The following ETV1 variants were observed in gnomAD, a reference collection of about 807,000 sequenced individuals.
ETV1 encodes the protein ETS variant transcription factor 1.
ETV1 carries 27 observed loss-of-function variants against 62.3 expected under a neutral mutation model. The ratio of observed to expected loss-of-function variants is 0.43; its 90% CI spans 0.32 to 0.60. The LOEUF (loss-of-function observed/expected upper bound fraction) is 0.60. Among genes scored for constraint, ETV1 ranks in the 20% least tolerant of loss-of-function variants. The pLI is 0.06. For missense variants in ETV1, 605 were observed against 605.8 expected (o/e 1.00, Z 0.01); for synonymous variants, 222 against 199.6 (o/e 1.11, Z -0.94).
Position 13,931,579 on chromosome 7 carries a change from A to G in ETV1, c.725T>C (p.Val242Ala). 5.6e-6 allele frequency: 9 copies of G among 1,614,016 alleles called. No homozygotes were observed. The highest frequency in any genetic ancestry group is 6.8e-6 in the Non-Finnish European group (8 of 1,179,878). ...HDPVYEHNTM[V>A]GSAASQSFPP... Reference sequence around the variant, plus strand: ...AAAGCTTTGGCTGGCCGCACTGCCAACCATGGTGTTGTGTTCATACACTGG... The same window carrying G: ...AAAGCTTTGGCTGGCCGCACTGCCAGCCATGGTGTTGTGTTCATACACTGG... The change falls in exon 9 of 14, where the codon GTT becomes GCT. Residue 242 changes from valine (V) to alanine (A), a missense_variant. Val to Ala is a moderately conservative substitution (Grantham distance 64). This residue lies in a region of ETV1 where 426 missense variants were observed against 377.8 expected (regional missense o/e 1.13). Coordinates refer to ENST00000430479, the MANE Select transcript of ETV1 (RefSeq NM_004956.5).
At chr7:13,988,858 T>C (rs1162044728) in intron 3 of ETV1, 150 bp downstream of exon 3, 1 of 1,586,420 alleles carries the variant, frequency 6.3e-7, no homozygotes. Context: ...AAGACTGGGC[T>C]TCTAGAAGCA....
In ETV1 at chr7:13,895,011, T is replaced by G. The variant is rs1032986996; in HGVS notation, c.*855A>C. On this transcript the variant is annotated 3_prime_UTR_variant, in exon 14 of 14. Coordinates refer to ENST00000430479, the MANE Select transcript of ETV1 (RefSeq NM_004956.5). ...GAAAAGGAGACAGATATTTTTTGCT[T>G]CATTTTGATTCCAGATTTAACATTT... 4.3e-6 allele frequency: 1 copy of G among 233,304 alleles called. No individual in the cohort carries two copies. Among genetic ancestry groups the G allele is most frequent in the Non-Finnish European group, 8.5e-6 (1 of 117,830 alleles). 14.5% of individuals were successfully genotyped at this position (233,304 alleles called of 1,614,324 possible).
chr7:13,896,789 A>AAAGAAAGAAAGAAAGAAAGG (rs1491140240), intron 13 of ETV1, among the ~76,000 whole-genome samples: 7 of 151,402 alleles, frequency 4.6e-5, no homozygotes, highest in East Asian at 1.9e-4. Flanking sequence ...AGAAAGAAAG[A>AAAGAAAGAAAGAAAGAAAGG]AAGGATACAC....
chr7:13,978,653 T>G (rs1183930036), intron 5 of ETV1, among the ~76,000 whole-genome samples: 1 of 152,020 alleles, frequency 6.6e-6, no homozygotes, highest in Non-Finnish European at 1.5e-5. Context: ...TTGAAAATGC[T>G]TCAGGTTGGT....
At chr7:13,916,753 AC>A (rs1784221328) in intron 9 of ETV1, among the ~76,000 whole-genome samples, 1 of 151,716 alleles carries the variant, frequency 6.6e-6, no homozygotes, top group South Asian at 2.1e-4. Flanking sequence ...ATATGGTGAA[AC>A]CCCATCTCTA....
intron 9 of ETV1, among the ~76,000 whole-genome samples, chr7:13,915,006 C>T (rs66974425): frequency 0.31 from 46,521 of 152,004 alleles, 7,476 homozygotes; most frequent in East Asian, 0.4. Context: ...CAAGTCTTTT[C>T]CATTTGATGC....
rs1321988107 is a variant in ETV1, at chr7:13,943,301, C to T, written c.236-4055G>A. On this transcript the variant is annotated intron_variant, in intron 6 of 13. Coordinates refer to ENST00000430479, the MANE Select transcript of ETV1 (RefSeq NM_004956.5). ...CAAAATAATCCACATGAGATTATCA[C>T]TATATAGCTGTATCAGATAGTTACA... Among the ~76,000 whole-genome samples the T allele has an allele frequency of 9.9e-5, 15 of 152,268 alleles. No homozygotes were observed. The South Asian group carries it at 3.1e-3, about 32-fold the overall frequency.
chr7:13,936,633 G>T (rs17167676), intron 7 of ETV1, among the ~76,000 whole-genome samples: 44,286 of 151,994 alleles, frequency 0.29, 7,161 homozygotes, highest in East Asian at 0.4. Context: ...TGCTTTCCTA[G>T]GTGTAACTTT....
At chr7:13,986,597 T>C (rs766016973) in intron 5 of ETV1, 41 bp downstream of exon 5, 19 of 1,608,284 alleles carry the variant, frequency 1.2e-5, no homozygotes, top group South Asian at 1.1e-5. Flanking sequence ...TTTCTCCTTC[T>C]AGAGTTGCTT....
chr7:13,955,476 A>T (rs1789310461), intron 6 of ETV1, among the ~76,000 whole-genome samples: 1 of 152,214 alleles, frequency 6.6e-6, no homozygotes, highest in South Asian at 2.1e-4. Flanking sequence ...CTACATCAGA[A>T]TAATGAACTC....
chr7:13,911,872 A>T (rs1783603618), intron 9 of ETV1, among the ~76,000 whole-genome samples: 1 of 152,220 alleles, frequency 6.6e-6, no homozygotes, highest in African/African-American at 2.4e-5. Context: ...GGGTTGCAGT[A>T]TAGTTAATCT....
chr7:13,982,436 T>C (rs1325914030), intron 5 of ETV1, among the ~76,000 whole-genome samples: 2 of 152,154 alleles, frequency 1.3e-5, no homozygotes, highest in East Asian at 3.9e-4. Flanking sequence ...TTTTTCTATT[T>C]TTAAAAAAAA....
At chr7:13,976,205 A>T (rs1417954566) in intron 6 of ETV1, among the ~76,000 whole-genome samples, 1 of 152,218 alleles carries the variant, frequency 6.6e-6, no homozygotes, top group African/African-American at 2.4e-5. Context: ...GTTACCAGGG[A>T]CTGAGGGCAG....
chr7:13,986,742 A>C, intron 4 of ETV1, 57 bp from the exon 5 acceptor site: 2 of 1,202,508 alleles, frequency 1.7e-6, no homozygotes, highest in Non-Finnish European at 2.4e-6. Context: ...ATCTTCATTA[A>C]ATGGAAATAT....
chr7:13,909,589 A>G (rs769795042), intron 11 of ETV1, 43 bp downstream of exon 11: 10 of 1,424,792 alleles, frequency 7.0e-6, no homozygotes, highest in African/African-American at 1.4e-5. Flanking sequence ...TAATCACTCC[A>G]TCTTTAAAAA....
chr7:13,958,385 A>G (rs1438873409), intron 6 of ETV1, among the ~76,000 whole-genome samples: 2 of 152,162 alleles, frequency 1.3e-5, no homozygotes, highest in Non-Finnish European at 2.9e-5. Context: ...GTGTATGTCT[A>G]TATTCAAACA....
chr7:13,922,810 TTC>T (rs1328895728), intron 9 of ETV1, among the ~76,000 whole-genome samples: 6 of 152,236 alleles, frequency 3.9e-5, no homozygotes, highest in Non-Finnish European at 8.8e-5. Flanking sequence ...ACTGCATACT[TTC>T]TGTTTCCTGG....
At chr7:13,910,195 A>T (rs1783418274) in intron 10 of ETV1, among the ~76,000 whole-genome samples, 1 of 150,738 alleles carries the variant, frequency 6.6e-6, no homozygotes, top group African/African-American at 2.4e-5. Flanking sequence ...TCCTGTACTC[A>T]ATTAGCAAGA....
intron 6 of ETV1, among the ~76,000 whole-genome samples, chr7:13,975,650 G>T (rs936532208): frequency 1.3e-5 from 2 of 150,430 alleles, no homozygotes; most frequent in African/African-American, 4.9e-5. Context: ...TCCACAAAGA[G>T]GAGGGAAGGA....
Sources: allele counts gnomAD v4.1 joint callset (sites outside exome capture counted in the v4.1 genomes callset), GRCh38; gene constraint gnomAD v4.1.1; regional missense constraint gnomAD v4.1.1; transcripts MANE v1.5; gene names NCBI Gene and HGNC (gene_info 2026-07-23, HGNC 2026-07-21).